Variants in HNF4G observed in about 807,000 individuals in gnomAD.
HNF4G encodes the protein hepatocyte nuclear factor 4 gamma.
HNF4G carries 21 observed loss-of-function variants against 50.9 expected under a neutral mutation model. That is an observed-to-expected ratio of 0.41 (90% CI 0.29 to 0.59). HNF4G has a LOEUF of 0.59. Ranked by LOEUF, HNF4G falls within the 20% of genes least tolerant of loss-of-function variation. HNF4G has a pLI of 0.26. For missense variants in HNF4G, 527 were observed against 559.4 expected, an observed-to-expected ratio of 0.94 and a Z score of 0.58; for synonymous variants, 198 against 185.6, an observed-to-expected ratio of 1.07 and a Z score of -0.54.
chr8:75,513,974 G>A (rs1805824650), intron 2 of HNF4G, among the ~76,000 whole-genome samples: 1 of 152,042 alleles, frequency 6.6e-6, no homozygotes, highest in African/African-American at 2.4e-5. Context: ...ATTGTCAGAT[G>A]AAGGCTTCTG....
At chr8:75,447,771 A>T (rs1305932800) in intron 1 of HNF4G, among the ~76,000 whole-genome samples, 1 of 138,576 alleles carries the variant, frequency 7.2e-6, no homozygotes, top group East Asian at 2.2e-4. Context: ...ATCATTAAAA[A>T]GTCAGGAAAC....
At chr8:75,493,366 T>G (rs1487035626) in intron 2 of HNF4G, among the ~76,000 whole-genome samples, 1 of 152,160 alleles carries the variant, frequency 6.6e-6, no homozygotes, top group Non-Finnish European at 1.5e-5. Context: ...AGGCGTGCTT[T>G]CTTTCTCACA....
chr8:75,522,201 C>T (rs1515012), intron 2 of HNF4G, among the ~76,000 whole-genome samples: 65,563 of 151,590 alleles, frequency 0.43, 14,625 homozygotes, highest in Middle Eastern at 0.58. Flanking sequence ...TATATTAGTT[C>T]CTTAATTAAA....
intron 1 of HNF4G, among the ~76,000 whole-genome samples, chr8:75,436,841 G>T (rs1811153398): frequency 7.0e-6 from 1 of 142,254 alleles, no homozygotes. Flanking sequence ...GCCAGGAGTT[G>T]CAACCAGCCT....
chr8:75,461,907 AATAT>A (rs141224779), intron 1 of HNF4G, among the ~76,000 whole-genome samples: 2 of 28,966 alleles, frequency 6.9e-5, no homozygotes, highest in African/African-American at 2.8e-4. Flanking sequence ...TATAAATATA[AATAT>A]ATATATATAT....
At chr8:75,465,146 A>G (rs78971255) in intron 1 of HNF4G, among the ~76,000 whole-genome samples, 3,202 of 152,290 alleles carry the variant, frequency 0.021, 105 homozygotes, top group East Asian at 0.15. Flanking sequence ...GAACTTACAG[A>G]TAGCCTCATA....
chr8:75,462,357 G>A (rs1811875060), intron 1 of HNF4G, among the ~76,000 whole-genome samples: 1 of 152,156 alleles, frequency 6.6e-6, no homozygotes, highest in Non-Finnish European at 1.5e-5. Flanking sequence ...TACTTGAACT[G>A]TGACAGTTGA....
At chr8:75,505,058 G>T (rs1460425149) in intron 2 of HNF4G, among the ~76,000 whole-genome samples, 1 of 152,128 alleles carries the variant, frequency 6.6e-6, no homozygotes, top group Non-Finnish European at 1.5e-5. Flanking sequence ...GTATCACTGA[G>T]AAATTTTCTT....
chr8:75,458,068 G>T (rs1811762759), intron 1 of HNF4G, among the ~76,000 whole-genome samples: 1 of 152,042 alleles, frequency 6.6e-6, no homozygotes, highest in African/African-American at 2.4e-5. Flanking sequence ...CTTCCAAAGT[G>T]CTTGGATTAC....
intron 1 of HNF4G, among the ~76,000 whole-genome samples, chr8:75,485,338 A>G (rs912715195): frequency 3.9e-5 from 6 of 152,196 alleles, no homozygotes; most frequent in African/African-American, 1.2e-4. Flanking sequence ...CCACTCATCA[A>G]AAGAGAAAAG....
At chr8:75,508,750 C>G (rs990747868) in intron 2 of HNF4G, among the ~76,000 whole-genome samples, 3 of 152,052 alleles carry the variant, frequency 2.0e-5, no homozygotes, top group African/African-American at 7.2e-5. Flanking sequence ...AAAACATGAG[C>G]TGAGAAGTTC....
chr8:75,552,971 C>T, intron 4 of HNF4G, 71 bp from the exon 5 acceptor site: 1 of 1,126,068 alleles, frequency 8.9e-7, no homozygotes, highest in Non-Finnish European at 1.3e-6. Flanking sequence ...TTATCATAGT[C>T]AAAAGAAAAA....
chr8:75,414,491 A>C (rs1452617150), intron 1 of HNF4G, among the ~76,000 whole-genome samples: 3 of 152,182 alleles, frequency 2.0e-5, no homozygotes, highest in South Asian at 2.1e-4. Flanking sequence ...GAATATAGCC[A>C]ACACCTCCAA....
chr8:75,511,039 T>C (rs1044181325), intron 2 of HNF4G, among the ~76,000 whole-genome samples: 4 of 152,096 alleles, frequency 2.6e-5, no homozygotes, highest in Non-Finnish European at 5.9e-5. Context: ...TTCTTTATGG[T>C]TTGTGCTTTT....
intron 1 of HNF4G, among the ~76,000 whole-genome samples, chr8:75,456,891 C>T (rs1265372791): frequency 6.6e-6 from 1 of 151,822 alleles, no homozygotes; most frequent in Non-Finnish European, 1.5e-5. Flanking sequence ...CAGACGTGTG[C>T]CACCATGCCC....
chr8:75,464,975 T>C (rs1252248049), intron 1 of HNF4G, among the ~76,000 whole-genome samples: 1 of 152,176 alleles, frequency 6.6e-6, no homozygotes, highest in Non-Finnish European at 1.5e-5. Flanking sequence ...TGTTTTCTAA[T>C]CCTTGTCTGG....
At chr8:75,551,236 A>C (rs917043109) in intron 3 of HNF4G, 152 bp from the exon 4 acceptor site, 2 of 539,878 alleles carry the variant, frequency 3.7e-6, no homozygotes. Context: ...GCTATTTTTG[A>C]AAGTAGTGGA....
At chr8:75,449,809 T>G (rs762934578) in intron 1 of HNF4G, among the ~76,000 whole-genome samples, 1 of 152,050 alleles carries the variant, frequency 6.6e-6, no homozygotes, top group Non-Finnish European at 1.5e-5. Context: ...GCCCGGCCTA[T>G]CTCAATAATA....
chr8:75,464,371 G>A (rs897078927), intron 1 of HNF4G, among the ~76,000 whole-genome samples: 1 of 151,844 alleles, frequency 6.6e-6, no homozygotes, highest in African/African-American at 2.4e-5. Context: ...ATGCAGATTT[G>A]TTTTTATCCT....
Sources: allele counts gnomAD v4.1 joint callset (sites outside exome capture counted in the v4.1 genomes callset), GRCh38; gene constraint gnomAD v4.1.1; transcripts MANE v1.5; gene names NCBI Gene and HGNC (gene_info 2026-07-23, HGNC 2026-07-21).